TIAM2: variants seen among roughly 807,000 people sequenced by gnomAD.
TIAM2 encodes the protein TIAM Rac1 associated GEF 2.
Under a neutral mutation model 152.9 loss-of-function variants are expected in TIAM2, and 80 were observed. The ratio of observed to expected loss-of-function variants is 0.52; its 90% CI spans 0.44 to 0.63. The LOEUF (loss-of-function observed/expected upper bound fraction) is 0.63, where lower values mean the gene tolerates loss of function less well. Ranked by LOEUF, TIAM2 falls within the 30% of genes least tolerant of loss-of-function variation. TIAM2 has a pLI of 0.00. For missense variants in TIAM2, 1,965 were observed against 2,120.1 expected (o/e 0.93, Z 1.44); for synonymous variants, 804 against 838.0 (o/e 0.96, Z 0.70).
intron 9 of TIAM2, 75 bp from the exon 10 acceptor site, chr6:155,176,741 C>A: frequency 6.7e-7 from 1 of 1,498,966 alleles, no homozygotes; most frequent in Non-Finnish European, 9.1e-7. Flanking sequence ...CGTAAATGAA[C>A]AGGACATTTG....
At chr6:155,111,593 C>A (rs74992720) in intron 2 of TIAM2, among the ~76,000 whole-genome samples, 1 of 152,116 alleles carries the variant, frequency 6.6e-6, no homozygotes, top group African/African-American at 2.4e-5. Flanking sequence ...GATGTTGGTG[C>A]CTCTCAAACG....
At chr6:155,013,064 ACTT>A (rs1224128098) in intron 1 of TIAM2, among the ~76,000 whole-genome samples, 4 of 151,764 alleles carry the variant, frequency 2.6e-5, no homozygotes, top group Non-Finnish European at 5.9e-5. Flanking sequence ...GCGTCCTCTC[ACTT>A]CTTCTCCTGC....
chr6:155,152,345 G>T (rs550752624), intron 7 of TIAM2, among the ~76,000 whole-genome samples: 1 of 152,178 alleles, frequency 6.6e-6, no homozygotes, highest in East Asian at 1.9e-4. Context: ...CTGCCCCCAC[G>T]AGCCCAGCTT....
At chr6:154,996,414 C>A (rs1344079319) in intron 1 of TIAM2, among the ~76,000 whole-genome samples, 3 of 152,178 alleles carry the variant, frequency 2.0e-5, no homozygotes, top group Non-Finnish European at 4.4e-5. Context: ...CTTGGTGACA[C>A]TCCTCAGCCT....
chr6:155,130,480 G>A, intron 4 of TIAM2, 63 bp downstream of exon 4: 1 of 1,459,228 alleles, frequency 6.9e-7, no homozygotes, highest in Non-Finnish European at 9.3e-7. Flanking sequence ...GAAGGGGAAG[G>A]TTAGTAGAAG....
In TIAM2 at chr6:155,211,367, T is replaced by C; in HGVS notation, c.3168+60T>C. ...AGGCAGGCGAGTGTTAGTTCCCACC[T>C]TTACCTAAGGTGGGGAAAGGAGATG... is the stretch of plus-strand genomic sequence containing the variant. On this transcript the variant is annotated intron_variant, in intron 15 of 26. Transcript: ENST00000682666. The C allele has an allele frequency of 4.2e-6, 6 of 1,428,908 alleles. No individual in the cohort carries two copies. In the South Asian group the frequency reaches 7.1e-5, roughly 17 times the overall value. 88.5% of individuals were successfully genotyped at this position (1,428,908 alleles called of 1,614,324 possible).
chr6:155,126,943 T>C (rs1384333257), intron 2 of TIAM2, among the ~76,000 whole-genome samples: 2 of 152,146 alleles, frequency 1.3e-5, no homozygotes, highest in African/African-American at 4.8e-5. Context: ...TCCTCCTCCC[T>C]TTCAGAAGCC....
intron 2 of TIAM2, among the ~76,000 whole-genome samples, chr6:155,092,230 T>A: frequency 6.6e-6 from 1 of 151,076 alleles, no homozygotes; most frequent in Non-Finnish European, 1.5e-5. Flanking sequence ...CCTGAGTAGC[T>A]GGGACCATAG....
chr6:155,166,940 A>C (rs1316249639), intron 9 of TIAM2, among the ~76,000 whole-genome samples: 1 of 152,196 alleles, frequency 6.6e-6, no homozygotes, highest in Non-Finnish European at 1.5e-5. Context: ...TTATATTTTC[A>C]ATATCATTGG....
rs28861387 is a variant in TIAM2 at position 155,029,448 on chromosome 6, G to A, written c.-209+33956G>A. Among the ~76,000 whole-genome samples the A allele has an allele frequency of 1.5e-3, 43 of 29,256 alleles. 3 individuals are homozygous for A. Among genetic ancestry groups the A allele is most frequent in the African/African-American group, 4.2e-3 (24 of 5,706 alleles). The allele number at this position is 29,256 out of a possible 152,430, so 19.2% of individuals were successfully genotyped here. On this transcript the variant is annotated intron_variant, in intron 1 of 26. Transcript: ENST00000682666. ...ATACTATAGTATATATTATACTATA[G>A]TATATATTATATATAATATATACTA...
At chr6:155,188,273 G>A (rs1044447922) in intron 14 of TIAM2, among the ~76,000 whole-genome samples, 1 of 152,110 alleles carries the variant, frequency 6.6e-6, no homozygotes, top group Non-Finnish European at 1.5e-5. Flanking sequence ...TTGGCAAATC[G>A]CTTACACTGG....
intron 1 of TIAM2, among the ~76,000 whole-genome samples, chr6:155,019,059 G>T (rs1776408191): frequency 6.6e-6 from 1 of 150,388 alleles, no homozygotes; most frequent in African/African-American, 2.4e-5. Context: ...AAATAGGCTG[G>T]GCACAGTGGC....
rs73575670 is a variant in TIAM2, at chr6:155,163,893, C to A, written c.2029-522C>A. Among the ~76,000 whole-genome samples, 1,043 of 152,124 alleles carry A rather than the reference C, an allele frequency of 6.9e-3. 15 individuals are homozygous for A. The highest frequency in any genetic ancestry group is 0.024 in the African/African-American group (996 of 41,534). ...TTTTTGGCATGTCACTGTATTGGGA[C>A]CACCAGCTTTTTGTTTTTGTTTTTG... On this transcript the variant is annotated intron_variant, in intron 7 of 26. Transcript: ENST00000682666.
At chr6:155,191,153 C>T (rs1429870768) in intron 14 of TIAM2, among the ~76,000 whole-genome samples, 2 of 152,174 alleles carry the variant, frequency 1.3e-5, no homozygotes, top group East Asian at 3.9e-4. Flanking sequence ...CTAAGTCCCC[C>T]TAAGCTACAT....
chr6:154,997,339 C>T (rs1778233072), intron 1 of TIAM2, among the ~76,000 whole-genome samples: 1 of 152,122 alleles, frequency 6.6e-6, no homozygotes, highest in South Asian at 2.1e-4. Context: ...TTGTATATAC[C>T]TCTGGCACTG....
Position 155,244,720 on chromosome 6 carries a change from C to G in TIAM2, c.3480C>G (p.Thr1160=), listed in dbSNP as rs150970475. 2 of 1,613,708 alleles carry G rather than the reference C, an allele frequency of 1.2e-6. No homozygotes were observed. The highest frequency in any genetic ancestry group is 1.7e-6 in the Non-Finnish European group (2 of 1,179,876). ...AGTTTCAGAAGGTGTTTCTGGAGAC[C>G]CTGGAGGATGGGATTTCAGCATCAT... ...MLEFQKVFLE[T]LEDGISASSD... The change falls in exon 18 of 27, where the codon ACC becomes ACG. Residue 1160 remains threonine (T), a synonymous_variant. Transcript: ENST00000682666.
intron 1 of TIAM2, among the ~76,000 whole-genome samples, chr6:154,998,296 T>C (rs573212479): frequency 3.6e-4 from 55 of 152,364 alleles, no homozygotes; most frequent in East Asian, 2.9e-3. Flanking sequence ...ATAAATTGCA[T>C]TGGAGTGCCG....
At chr6:155,131,611 G>A (rs1345829893) in intron 4 of TIAM2, among the ~76,000 whole-genome samples, 4 of 147,916 alleles carry the variant, frequency 2.7e-5, no homozygotes, top group East Asian at 2.0e-4. Flanking sequence ...ACAGAGTATC[G>A]CTCCGTTGTA....
At chr6:155,035,101 G>A (rs1324820016) in intron 1 of TIAM2, among the ~76,000 whole-genome samples, 1 of 152,088 alleles carries the variant, frequency 6.6e-6, no homozygotes, top group African/African-American at 2.4e-5. Flanking sequence ...TGGAGGGAAT[G>A]ACTTGATTAT....
Sources: gnomAD v4.1 joint callset for allele counts (sites outside exome capture counted in the v4.1 genomes callset) on GRCh38, gnomAD v4.1.1 for gene constraint, MANE v1.5 for transcripts, NCBI Gene and HGNC (gene_info 2026-07-23, HGNC 2026-07-21) for gene names.